The following DAB1 variants were observed in gnomAD, a reference collection of about 807,000 sequenced individuals.
DAB1 encodes disabled homolog 1.
In DAB1, 15 loss-of-function variants were observed where a neutral mutation model predicts 64.6. The observed-to-expected ratio is 0.23, with a 90% CI of 0.16 to 0.36. The LOEUF is 0.36. DAB1 is among the 10% of genes least tolerant of loss of function. The pLI is 1.00. For synonymous variants in DAB1, 235 were observed against 251.9 expected, an observed-to-expected ratio of 0.93 and a Z score of 0.64; for missense variants, 596 against 706.7, an observed-to-expected ratio of 0.84 and a Z score of 1.78.
intron 7 of DAB1, among the ~76,000 whole-genome samples, chr1:57,583,121 T>G (rs966763152): frequency 9.2e-5 from 14 of 152,160 alleles, no homozygotes; most frequent in African/African-American, 3.4e-4. Flanking sequence ...CTGCCTACCC[T>G]ACAGTTCTAG....
chr1:57,849,706 A>G (rs1653435274), intron 1 of DAB1, among the ~76,000 whole-genome samples: 1 of 152,218 alleles, frequency 6.6e-6, no homozygotes, highest in Non-Finnish European at 1.5e-5. Context: ...TATCTTTCCC[A>G]GTTAAAAATA....
At chr1:58,532,679 C>A (rs1249698043) in intron 1 of DAB1, among the ~76,000 whole-genome samples, 1 of 152,100 alleles carries the variant, frequency 6.6e-6, no homozygotes, top group Admixed American at 6.6e-5. Flanking sequence ...AGGTGTGAGC[C>A]ACCATGCTCA....
At chr1:58,077,143 C>A (rs1045272156) in intron 5 of DAB1, among the ~76,000 whole-genome samples, 5 of 151,962 alleles carry the variant, frequency 3.3e-5, no homozygotes, top group Non-Finnish European at 5.9e-5. Context: ...TAAAAAAAAA[C>A]AATAACAATG....
At position 56,995,599 on chromosome 1, in the gene DAB1, C is replaced by G. The variant is rs895471289; in HGVS notation, c.*2545G>C. The G allele has an allele frequency of 6.6e-6, 1 of 152,168 alleles. No homozygotes were observed. Among genetic ancestry groups the G allele is most frequent in the Non-Finnish European group, 1.5e-5 (1 of 68,038 alleles). 9.4% of individuals were successfully genotyped at this position (152,168 alleles called of 1,614,324 possible). ...AGGAAATTAACTCCAGATGGTATAC[C>G]TGAAACAGCAACATCAGCCAGAGTT... On this transcript the variant is annotated 3_prime_UTR_variant, in exon 15 of 15. Transcript: ENST00000371236.
rs115303013 is a variant in DAB1, at chr1:57,076,264, G to A, written c.307-3850C>T. ...CCAGAGAATACCGGCCGGAGTGGGAGGCAGAGGGTGAAGGAAAGGCAGATG... is the reference window on the plus strand; with the variant it reads ...CCAGAGAATACCGGCCGGAGTGGGAAGCAGAGGGTGAAGGAAAGGCAGATG... On this transcript the variant is annotated intron_variant, in intron 4 of 14. Transcript: ENST00000371236. 2.3e-3 allele frequency among the ~76,000 whole-genome samples: 352 copies of A among 152,290 alleles called. 3 individuals carry two copies. The highest frequency in any genetic ancestry group is 7.0e-3 in the African/African-American group (290 of 41,578).
chr1:58,057,638 G>A (rs1386272586), intron 5 of DAB1, among the ~76,000 whole-genome samples: 1 of 152,176 alleles, frequency 6.6e-6, no homozygotes, highest in East Asian at 1.9e-4. Flanking sequence ...AGGCAAGGAA[G>A]GATTCTTCCC....
intron 1 of DAB1, among the ~76,000 whole-genome samples, chr1:57,865,436 G>A (rs544037355): frequency 2.6e-5 from 4 of 152,082 alleles, no homozygotes; most frequent in Non-Finnish European, 5.9e-5. Context: ...ACAGCCCACT[G>A]GGCCCTAAAT....
chr1:58,447,259 C>A (rs551114856), intron 3 of DAB1, among the ~76,000 whole-genome samples: 37 of 152,268 alleles, frequency 2.4e-4, no homozygotes, highest in Non-Finnish European at 4.6e-4. Context: ...ATTGCACCGG[C>A]TCCTGAGGGG....
chr1:57,730,871 C>T (rs1647380636), intron 6 of DAB1, among the ~76,000 whole-genome samples: 1 of 152,170 alleles, frequency 6.6e-6, no homozygotes, highest in Admixed American at 6.5e-5. Flanking sequence ...TGGTGCATTA[C>T]TGATGGGAAT....
At chr1:58,348,469 ATGTT>A in intron 3 of DAB1, among the ~76,000 whole-genome samples, 1 of 152,262 alleles carries the variant, frequency 6.6e-6, no homozygotes, top group East Asian at 1.9e-4. Context: ...AGTTTTCTTG[ATGTT>A]GCTAGCAGAT....
At chr1:57,886,686 A>G (rs1644228732), upstream of DAB1, among the ~76,000 whole-genome samples, 1 of 152,180 alleles carries the variant, frequency 6.6e-6, no homozygotes, top group Non-Finnish European at 1.5e-5. Context: ...TAAGGGATCT[A>G]AAGAGCAAAG....
chr1:57,345,730 T>C (rs1678023958), intron 1 of DAB1, among the ~76,000 whole-genome samples: 1 of 152,222 alleles, frequency 6.6e-6, no homozygotes, highest in Non-Finnish European at 1.5e-5. Context: ...TAAAATCTGA[T>C]TAAAATGTAC....
intron 1 of DAB1, among the ~76,000 whole-genome samples, chr1:57,309,076 G>A (rs2100726367): frequency 6.6e-6 from 1 of 152,278 alleles, no homozygotes; most frequent in Middle Eastern, 3.4e-3. Context: ...TAGCTCATCA[G>A]CTATCATTAG....
chr1:57,082,143 A>G (rs1427297417), intron 4 of DAB1, among the ~76,000 whole-genome samples: 1 of 152,204 alleles, frequency 6.6e-6, no homozygotes, highest in Non-Finnish European at 1.5e-5. Flanking sequence ...GAAGGCAAAT[A>G]CGGCAAAAGG....
chr1:58,202,263 C>A (rs926059175), intron 4 of DAB1, among the ~76,000 whole-genome samples: 1 of 152,154 alleles, frequency 6.6e-6, no homozygotes, highest in Admixed American at 6.5e-5. Context: ...TTCCAAATAG[C>A]CATATATTAT....
chr1:57,026,126 G>A, intron 9 of DAB1, 83 bp from the exon 10 acceptor site: 1 of 983,196 alleles, frequency 1.0e-6, no homozygotes, highest in South Asian at 1.5e-5. Flanking sequence ...ATGGTATGGG[G>A]ATACACATTT....
chr1:57,870,750 T>G (rs1643932859), intron 1 of DAB1, among the ~76,000 whole-genome samples: 1 of 152,060 alleles, frequency 6.6e-6, no homozygotes, highest in African/African-American at 2.4e-5. Flanking sequence ...TTTACTATAA[T>G]CTGGAATGAA....
chr1:57,604,551 C>T (rs887047524), intron 7 of DAB1, among the ~76,000 whole-genome samples: 6 of 152,126 alleles, frequency 3.9e-5, no homozygotes, highest in Non-Finnish European at 7.4e-5. Flanking sequence ...GATACTTCTC[C>T]GATGTACTTT....
intron 5 of DAB1, among the ~76,000 whole-genome samples, chr1:58,019,125 T>C (rs1315294677): frequency 2.0e-5 from 3 of 152,322 alleles, no homozygotes; most frequent in African/African-American, 7.2e-5. Flanking sequence ...ATCTCTAAGA[T>C]TACTCCCAGC....
Sources: allele counts gnomAD v4.1 joint callset (sites outside exome capture counted in the v4.1 genomes callset), GRCh38; gene constraint gnomAD v4.1.1; transcripts MANE v1.5; gene names NCBI Gene and HGNC (gene_info 2026-07-23, HGNC 2026-07-21).